Variants in CDH4 observed in about 807,000 individuals in gnomAD.
The protein encoded by CDH4 is cadherin 4, also known as cadherin-4.
A neutral mutation model predicts 86.0 loss-of-function variants in CDH4; 33 were observed. That is an observed-to-expected ratio of 0.38 (90% CI 0.29 to 0.51). The LOEUF is 0.51. Among genes scored for constraint, CDH4 ranks in the 20% least tolerant of loss-of-function variants. The pLI is 0.86. For synonymous variants in CDH4, 555 were observed against 549.4 expected, an observed-to-expected ratio of 1.01 and a Z score of -0.14; for missense variants, 1,114 against 1,307.4, an observed-to-expected ratio of 0.85 and a Z score of 2.28.
chr20:61,582,985 G>A lies in CDH4; in HGVS notation c.170-160578G>A, dbSNP rs1324618629. Among the ~76,000 whole-genome samples the A allele has an allele frequency of 2.0e-5, 3 of 152,062 alleles. No individual in the cohort carries two copies. The highest frequency in any genetic ancestry group is 3.4e-3 in the Middle Eastern group (1 of 294). ...AGCCACTAATCTACTTTCTGTCTCT[G>A]TCGACTTCCCTGTTCTGGGCACTGC... On this transcript the variant is annotated intron_variant, in intron 2 of 15. Transcript: ENST00000614565. This position sits in a 1 kb window ranked among gnomAD's most constrained non-coding sequence, Gnocchi z 4.2.
chr20:61,482,524 C>T (rs547966069), intron 2 of CDH4, among the ~76,000 whole-genome samples: 53 of 152,282 alleles, frequency 3.5e-4, no homozygotes, highest in African/African-American at 1.2e-3. Flanking sequence ...CCCTCTTTTA[C>T]TGTGGGTGGA....
chr20:61,780,879 T>C (rs1266583532), intron 4 of CDH4, among the ~76,000 whole-genome samples: 1 of 152,168 alleles, frequency 6.6e-6, no homozygotes, highest in East Asian at 1.9e-4. Context: ...GACGTGCTGG[T>C]CACAGGAGCT....
intron 2 of CDH4, among the ~76,000 whole-genome samples, chr20:61,661,603 G>A (rs540098924): frequency 4.6e-5 from 7 of 151,448 alleles, no homozygotes; most frequent in African/African-American, 7.3e-5. Flanking sequence ...TCTGACATGC[G>A]TCTTCCCAAT....
intron 5 of CDH4, among the ~76,000 whole-genome samples, chr20:61,852,343 G>A (rs73915111): frequency 0.016 from 2,427 of 152,284 alleles, 57 homozygotes; most frequent in African/African-American, 0.055. Context: ...TTAAGCCCCC[G>A]CCCAATTAGG....
At chr20:61,635,772 T>C (rs544165537) in intron 2 of CDH4, among the ~76,000 whole-genome samples, 1 of 152,344 alleles carries the variant, frequency 6.6e-6, no homozygotes, top group Admixed American at 6.5e-5. Flanking sequence ...GCGCTAGGGC[T>C]GCAAGCACGT....
intron 2 of CDH4, among the ~76,000 whole-genome samples, chr20:61,652,930 A>ATTTTTTTTTTTTTTTTTTTTTTTTTTT (rs1200927520): frequency 2.8e-5 from 3 of 108,036 alleles, no homozygotes; most frequent in African/African-American, 6.2e-5. Context: ...TTATTTATTT[A>ATTTTTTTTTTTTTTTTTTTTTTTTTTT]TTTATTTATT....
At chr20:61,916,530 A>G (rs1473073541) in intron 9 of CDH4, among the ~76,000 whole-genome samples, 2 of 152,172 alleles carry the variant, frequency 1.3e-5, no homozygotes, top group African/African-American at 4.8e-5. Flanking sequence ...CATTCTCGTT[A>G]TCATCATCAT....
At chr20:61,916,848 C>G (rs2054908069) in intron 9 of CDH4, among the ~76,000 whole-genome samples, 3 of 152,240 alleles carry the variant, frequency 2.0e-5, no homozygotes, top group Admixed American at 2.0e-4. Context: ...CTTCTCTAAA[C>G]CGACTTAGCT....
At chr20:61,756,749 C>T (rs1038924715) in intron 3 of CDH4, among the ~76,000 whole-genome samples, 1 of 152,108 alleles carries the variant, frequency 6.6e-6, no homozygotes, top group African/African-American at 2.4e-5. Context: ...CTGATCTGAA[C>T]CTGGACACCT....
chr20:61,731,332 C>T (rs769039934), intron 2 of CDH4, among the ~76,000 whole-genome samples: 49 of 152,268 alleles, frequency 3.2e-4, no homozygotes, highest in Non-Finnish European at 4.6e-4. Flanking sequence ...TGTGTTCCCG[C>T]AGCACCCTTC....
rs553583662 is a variant in CDH4, at chr20:61,676,455, G to A, written c.170-67108G>A. ...GGGATGGTGTGAACAATGGAGGCCC[G>A]GGGCTCCCTCCTCCTGGGTCTACCC... On this transcript the variant is annotated intron_variant, in intron 2 of 15. Coordinates refer to ENST00000614565, the MANE Select transcript of CDH4 (RefSeq NM_001794.5). The surrounding 1 kb of genome is among the most constrained non-coding windows in gnomAD (Gnocchi z 4.5). Among the ~76,000 whole-genome samples the A allele has an allele frequency of 4.6e-5, 7 of 152,124 alleles. No homozygotes were observed. Among genetic ancestry groups the A allele is most frequent in the East Asian group, 1.9e-4 (1 of 5,164 alleles).
chr20:61,839,792 CTG>C (rs767413456), intron 4 of CDH4, among the ~76,000 whole-genome samples: 25 of 149,328 alleles, frequency 1.7e-4, no homozygotes, highest in Non-Finnish European at 2.7e-4. Context: ...TGTATGTGTG[CTG>C]TGTGTGTATT....
chr20:61,516,177 G>T lies in CDH4; in HGVS notation c.170-227386G>T. Among the ~76,000 whole-genome samples, 1 of 152,148 alleles carries T rather than the reference G, an allele frequency of 6.6e-6. No homozygotes were observed. Among genetic ancestry groups the T allele is most frequent in the Non-Finnish European group, 1.5e-5 (1 of 68,018 alleles). ...CCTTGGGCCGTGGGCCGGAGGGGACGCTGGCCACCTCTCTTACCCTAGAAG... is the reference window on the plus strand; with the variant it reads ...CCTTGGGCCGTGGGCCGGAGGGGACTCTGGCCACCTCTCTTACCCTAGAAG... On this transcript the variant is annotated intron_variant, in intron 2 of 15. Transcript: ENST00000614565. This position sits in a 1 kb window ranked among gnomAD's most constrained non-coding sequence, Gnocchi z 4.0.
At chr20:61,413,418 TCTC>T (rs1442637830) in intron 2 of CDH4, among the ~76,000 whole-genome samples, 1 of 152,074 alleles carries the variant, frequency 6.6e-6, no homozygotes, top group Non-Finnish European at 1.5e-5. Flanking sequence ...GAGCCGGGCT[TCTC>T]CTCACCTTCC....
At chr20:61,521,398 C>T (rs781062601) in intron 2 of CDH4, among the ~76,000 whole-genome samples, 1 of 152,126 alleles carries the variant, frequency 6.6e-6, no homozygotes, top group Non-Finnish European at 1.5e-5. Context: ...TTGTAGGGAT[C>T]GTAAGAAGAT....
chr20:61,773,017 G>C lies in CDH4; in HGVS notation c.411G>C (p.Lys137Asn). 3 of 1,609,512 alleles carry C rather than the reference G, an allele frequency of 1.9e-6. No homozygotes were observed. Among genetic ancestry groups the C allele is most frequent in the Non-Finnish European group, 2.5e-6 (3 of 1,176,866 alleles). The change falls in exon 4 of 16, where the codon AAG (lysine) becomes AAC (asparagine). Residue 137 changes from lysine to asparagine, a missense_variant. By Grantham distance (94) the Lys-to-Asn change is moderately conservative. Around this residue, in one of 3 missense-constraint regions of CDH4, gnomAD observed 221 missense variants for 209.5 expected, o/e 1.05. Transcript: ENST00000614565. ...TCCAAATAAAGCCGCAGAAAGGAAAGAAGGTCGTGGCTCTGGACCCCTCTC... is the reference window on the plus strand; with the variant it reads ...TCCAAATAAAGCCGCAGAAAGGAAACAAGGTCGTGGCTCTGGACCCCTCTC... ...PHSGHKPQKG[K>N]KVVALDPSPP...
chr20:61,927,146 T>C (rs2055053575), intron 11 of CDH4, among the ~76,000 whole-genome samples: 2 of 152,244 alleles, frequency 1.3e-5, no homozygotes, highest in Non-Finnish European at 2.9e-5. Flanking sequence ...TGGGATACAT[T>C]TTTACATGGT....
At chr20:61,278,717 G>C (rs1174940816) in intron 2 of CDH4, among the ~76,000 whole-genome samples, 2 of 152,260 alleles carry the variant, frequency 1.3e-5, no homozygotes, top group Admixed American at 6.5e-5. Flanking sequence ...GTCCATGCAG[G>C]ATCTTTTCTC....
At chr20:61,668,178 G>A (rs1441728757) in intron 2 of CDH4, among the ~76,000 whole-genome samples, 1 of 152,224 alleles carries the variant, frequency 6.6e-6, no homozygotes, top group African/African-American at 2.4e-5. Context: ...CAGGGAAGCC[G>A]AGCTTTTATG....
Sources: allele counts gnomAD v4.1 joint callset (sites outside exome capture counted in the v4.1 genomes callset), GRCh38; gene constraint gnomAD v4.1.1; regional missense constraint gnomAD v4.1.1; non-coding constraint Gnocchi (gnomAD v3.1); transcripts MANE v1.5; gene names NCBI Gene and HGNC (gene_info 2026-07-23, HGNC 2026-07-21).